Variants in SLC25A48 observed in about 807,000 individuals in gnomAD.
SLC25A48 encodes CTC-321K16.1.
SLC25A48 carries 29 observed loss-of-function variants against 32.2 expected under a neutral mutation model. That is an observed-to-expected ratio of 0.90 (90% confidence interval 0.67 to 1.23). The LOEUF (loss-of-function observed/expected upper bound fraction) is 1.23, where lower values mean the gene tolerates loss of function less well. SLC25A48 is among the 50% of genes most tolerant of loss of function. SLC25A48 has a pLI of 0.00. For missense variants in SLC25A48, 399 were observed against 422.7 expected, an observed-to-expected ratio of 0.94 and a Z score of 0.49; for synonymous variants, 164 against 172.3, an observed-to-expected ratio of 0.95 and a Z score of 0.38.
intron 4 of SLC25A48, among the ~76,000 whole-genome samples, chr5:135,868,341 G>A (rs565966999): frequency 6.6e-6 from 1 of 152,216 alleles, no homozygotes; most frequent in Admixed American, 6.5e-5. Flanking sequence ...CTTAAAAAAT[G>A]TCAGTGTCAC....
At chr5:135,722,800 G>A (rs1165828122) in intron 3 of SLC25A48, among the ~76,000 whole-genome samples, 3 of 152,252 alleles carry the variant, frequency 2.0e-5, no homozygotes, top group African/African-American at 4.8e-5. Context: ...GCTCTGGAAT[G>A]CCAGCCTTGT....
intron 1 of SLC25A48, among the ~76,000 whole-genome samples, chr5:135,622,488 A>G (rs1162266259): frequency 6.6e-6 from 1 of 152,276 alleles, no homozygotes; most frequent in Non-Finnish European, 1.5e-5. Context: ...CTCTGTGGTC[A>G]TTAGAAATCA....
intron 3 of SLC25A48, among the ~76,000 whole-genome samples, chr5:135,801,984 T>G (rs1202361337): frequency 6.6e-6 from 1 of 151,766 alleles, no homozygotes; most frequent in Non-Finnish European, 1.5e-5. Flanking sequence ...CAATGTTATA[T>G]TGTTCATAAT....
At chr5:135,883,666 G>A (rs1430161226) in intron 7 of SLC25A48, among the ~76,000 whole-genome samples, 1 of 152,180 alleles carries the variant, frequency 6.6e-6, no homozygotes, top group Non-Finnish European at 1.5e-5. Flanking sequence ...GTTGAACAGG[G>A]TGATGAGGGA....
chr5:135,709,514 A>G (rs1250351347), intron 3 of SLC25A48, among the ~76,000 whole-genome samples: 1 of 152,258 alleles, frequency 6.6e-6, no homozygotes, highest in Non-Finnish European at 1.5e-5. Context: ...CAGTACAGAA[A>G]GGGCAAGGCC....
intron 3 of SLC25A48, among the ~76,000 whole-genome samples, chr5:135,716,665 G>T (rs892069548): frequency 6.6e-6 from 1 of 152,182 alleles, no homozygotes; most frequent in African/African-American, 2.4e-5. Context: ...GTCCAACAAG[G>T]AGTCTTCCAA....
chr5:135,838,711 C>A (rs1019969292), intron 1 of SLC25A48, among the ~76,000 whole-genome samples: 1 of 152,238 alleles, frequency 6.6e-6, no homozygotes, highest in Non-Finnish European at 1.5e-5. Context: ...AAGCCCCAAG[C>A]CTTGGCAGCT....
chr5:135,842,420 A>G lies in SLC25A48; in HGVS notation c.51A>G (p.Ala17=), dbSNP rs77793223. The G allele has an allele frequency of 0.012, 18,936 of 1,613,556 alleles. 145 individuals carry two copies. The highest frequency in any genetic ancestry group is 0.014 in the Middle Eastern group (87 of 6,042). The change falls in exon 2 of 8, where the codon GCA becomes GCG. Residue 17 remains alanine (A), a synonymous_variant. Coordinates refer to ENST00000681962, the MANE Select transcript of SLC25A48 (RefSeq NM_001349336.2). ...EDFAAGWIGG[A]ASVIVGHPLD... is the part of the protein sequence containing the mutation. Reference sequence around the variant, plus strand: ...GCATTCTTTTTTGATCCACAGGTGCAGCCAGTGTCATCGTTGGCCACCCTC... The same window carrying G: ...GCATTCTTTTTTGATCCACAGGTGCGGCCAGTGTCATCGTTGGCCACCCTC...
chr5:135,833,762 C>T (rs925667187), upstream of SLC25A48, among the ~76,000 whole-genome samples: 1 of 152,204 alleles, frequency 6.6e-6, no homozygotes, highest in South Asian at 2.1e-4. Flanking sequence ...CTCCAAGTCC[C>T]CACTCCTCAG....
chr5:135,591,114 T>A (rs919229866), intron 1 of SLC25A48, among the ~76,000 whole-genome samples: 1 of 152,094 alleles, frequency 6.6e-6, no homozygotes, highest in Non-Finnish European at 1.5e-5. Flanking sequence ...AACTGCAGGG[T>A]GCCTGTGATT....
At chr5:135,777,840 A>C (rs1756607913) in intron 3 of SLC25A48, among the ~76,000 whole-genome samples, 1 of 150,222 alleles carries the variant, frequency 6.7e-6, no homozygotes, top group Non-Finnish European at 1.5e-5. Context: ...GTACACCCAC[A>C]CTGTGATATT....
intron 1 of SLC25A48, among the ~76,000 whole-genome samples, chr5:135,603,346 C>A (rs775965510): frequency 1.3e-5 from 2 of 152,222 alleles, no homozygotes; most frequent in Non-Finnish European, 2.9e-5. Flanking sequence ...TTTCTGAAGA[C>A]GCTTTCATGA....
intron 3 of SLC25A48, among the ~76,000 whole-genome samples, chr5:135,727,066 T>A (rs1755106632): frequency 1.3e-5 from 2 of 152,172 alleles, no homozygotes; most frequent in African/African-American, 4.8e-5. Context: ...ACGTTGAACA[T>A]CTTTTCATGT....
intron 3 of SLC25A48, among the ~76,000 whole-genome samples, chr5:135,700,371 CAAAAAAAA>C (rs34125451): frequency 2.9e-5 from 2 of 67,952 alleles, no homozygotes; most frequent in African/African-American, 1.3e-4. Context: ...GACTCTGTCT[CAAAAAAAA>C]AAAAAAAAAA....
At chr5:135,658,003 G>A (rs984480533) in intron 3 of SLC25A48, among the ~76,000 whole-genome samples, 17 of 152,132 alleles carry the variant, frequency 1.1e-4, no homozygotes, top group African/African-American at 3.9e-4. Context: ...GGGACACAGA[G>A]CCAAACCATA....
intron 4 of SLC25A48, among the ~76,000 whole-genome samples, chr5:135,818,053 TCCTCTC>T (rs1757772899): frequency 2.6e-4 from 12 of 46,582 alleles, no homozygotes; most frequent in African/African-American, 1.1e-3. Context: ...TTCTCTCTGT[TCCTCTC>T]TCTCTCTCTC....
chr5:135,587,307 A>G (rs1751391689), intron 1 of SLC25A48, among the ~76,000 whole-genome samples: 1 of 152,216 alleles, frequency 6.6e-6, no homozygotes, highest in Non-Finnish European at 1.5e-5. Flanking sequence ...TTCTGGAACT[A>G]CAGGTGTGAG....
In SLC25A48 at chr5:135,757,303, A is replaced by ATAT. The variant is rs1216111652; in HGVS notation, c.-520-55217_-520-55215dup. 8.0e-5 allele frequency among the ~76,000 whole-genome samples: 12 copies of ATAT among 149,750 alleles called. No homozygotes were observed. The East Asian group carries it at 2.5e-3, about 31-fold the overall frequency. The stretch of plus-strand genomic sequence containing the variant: ...TAATGACTAGTGTTAACACACTATG[A>ATAT]TATTAATAAAATATCATCTTTATGG... On this transcript the variant is annotated intron_variant, in intron 3 of 10. Coordinates refer to the SLC25A48 transcript ENST00000646290.
At chr5:135,754,014 C>T (rs1283151797) in intron 3 of SLC25A48, among the ~76,000 whole-genome samples, 2 of 149,208 alleles carry the variant, frequency 1.3e-5, no homozygotes, top group African/African-American at 2.5e-5. Context: ...GGCTGTACAC[C>T]CACTGTTACA....
Sources: gnomAD v4.1 joint callset for allele counts (sites outside exome capture counted in the v4.1 genomes callset) on GRCh38, gnomAD v4.1.1 for gene constraint, MANE v1.5 for transcripts, NCBI Gene and HGNC (gene_info 2026-07-23, HGNC 2026-07-21) for gene names.